MICAL3: variants seen among roughly 807,000 people sequenced by gnomAD.
MICAL3 encodes the protein [F-actin]-monooxygenase MICAL3.
Under a neutral mutation model 207.4 loss-of-function variants are expected in MICAL3, and 62 were observed. That is an observed-to-expected ratio of 0.30 (90% CI 0.24 to 0.37). MICAL3 has a LOEUF of 0.37. Among genes scored for constraint, MICAL3 ranks in the 10% least tolerant of loss-of-function variants. MICAL3 has a pLI of 1.00. For synonymous variants in MICAL3, 1,077 were observed against 1,069.3 expected (o/e 1.01, Z -0.14); for missense variants, 2,368 against 2,635.6 (o/e 0.90, Z 2.22).
chr22:17,965,010 G>A lies in MICAL3; in HGVS notation c.-74-58124C>T, dbSNP rs80140465. On this transcript the variant is annotated intron_variant, in intron 1 of 31. Coordinates refer to ENST00000441493, the MANE Select transcript of MICAL3 (RefSeq NM_015241.3). ...CGCTGAAAGGGCACAGAGCAGGTGC[G>A]GGCCTGCCCCCAGGTGTCTCCCACT... Among the ~76,000 whole-genome samples, 1,504 of 152,160 alleles carry A rather than the reference G, an allele frequency of 9.9e-3. 32 individuals carry two copies. The highest frequency in any genetic ancestry group is 0.034 in the African/African-American group (1,420 of 41,512).
At chr22:17,953,755 AC>A (rs200530478) in intron 1 of MICAL3, among the ~76,000 whole-genome samples, 2,019 of 152,044 alleles carry the variant, frequency 0.013, 42 homozygotes, top group African/African-American at 0.046. Flanking sequence ...ACAAGGTGAA[AC>A]CCCGTCTTTA....
intron 1 of MICAL3, among the ~76,000 whole-genome samples, chr22:18,000,718 G>C (rs925329875): frequency 3.3e-5 from 5 of 152,256 alleles, no homozygotes; most frequent in African/African-American, 1.2e-4. Context: ...ACTGAGACTA[G>C]AGGCGAAGGC....
At chr22:17,948,260 G>A (rs953961565) in intron 1 of MICAL3, among the ~76,000 whole-genome samples, 4 of 152,236 alleles carry the variant, frequency 2.6e-5, no homozygotes, top group African/African-American at 7.2e-5. Flanking sequence ...CGCAAGAGCT[G>A]GGGAGGATGT....
At position 17,797,328 on chromosome 22, in the gene MICAL3, C is replaced by T. The variant is rs116656260; in HGVS notation, c.5651-6027G>A. On this transcript the variant is annotated intron_variant, in intron 29 of 31. Transcript: ENST00000441493. ...CCAGCCTGGGCAATGCAGTGAGACC[C>T]CGTCTCTACAACAATTAGCTGGGTG... Among the ~76,000 whole-genome samples the T allele has an allele frequency of 9.9e-3, 1,500 of 152,180 alleles. 29 individuals are homozygous for T. The highest frequency in any genetic ancestry group is 0.034 in the African/African-American group (1,432 of 41,522).
intron 29 of MICAL3, among the ~76,000 whole-genome samples, chr22:17,795,560 AAC>A (rs1158729715): frequency 6.6e-6 from 1 of 152,246 alleles, no homozygotes; most frequent in East Asian, 1.9e-4. Flanking sequence ...CGCCCTTCCC[AAC>A]ACAGAGAACA....
In MICAL3 at chr22:17,904,752, G is replaced by C; in HGVS notation, c.352C>G (p.Arg118Gly). The C allele has an allele frequency of 6.2e-7, 1 of 1,613,750 alleles. No individual in the cohort carries two copies. Among genetic ancestry groups the C allele is most frequent in the Non-Finnish European group, 8.5e-7 (1 of 1,179,656 alleles). Residue 118 changes from arginine (R) to glycine (G), a missense_variant, in exon 3 of 32, where the codon CGA (arginine) becomes GGA (glycine). Physicochemically the swap from Arg to Gly is moderately radical, Grantham distance 125. Around this residue, in one of 4 missense-constraint regions of MICAL3, gnomAD observed 400 missense variants for 547.0 expected, o/e 0.73. Coordinates refer to ENST00000441493, the MANE Select transcript of MICAL3 (RefSeq NM_015241.3). ...LGAKVVVIEKRDAFSRNNVLH... is the reference protein window; with the variant it reads ...LGAKVVVIEKGDAFSRNNVLH... ...ACGTTGTTGCGGGAGAAGGCATCTCGTTTCTCAATAACAACCACCTTGGCC... is the reference window on the plus strand; with the variant it reads ...ACGTTGTTGCGGGAGAAGGCATCTCCTTTCTCAATAACAACCACCTTGGCC...
At chr22:17,927,156 G>C (rs547479867) in intron 1 of MICAL3, among the ~76,000 whole-genome samples, 2 of 152,160 alleles carry the variant, frequency 1.3e-5, no homozygotes, top group South Asian at 2.1e-4. Context: ...TCTATTCCAG[G>C]TACCTCATAT....
At chr22:17,939,621 C>T (rs764533111) in intron 1 of MICAL3, among the ~76,000 whole-genome samples, 4 of 152,232 alleles carry the variant, frequency 2.6e-5, no homozygotes, top group Non-Finnish European at 5.9e-5. Context: ...ACAGACCTGC[C>T]TCTCTCTGCA....
chr22:17,877,009 TGGAGGTTATGGAGGTTATGGAGGTTAG>T lies in MICAL3; in HGVS notation c.2242-5013_2242-4987del, dbSNP rs1569109660. On this transcript the variant is annotated intron_variant, in intron 16 of 31. Transcript: ENST00000441493. ...GAGGTTAGGGAGGTGAGGGAGGTTA[TGGAGGTTATGGAGGTTATGGAGGTTAG>T]GGAGGTTATGGAGGTTAGGGAGGTT... The T allele has an allele frequency of 3.8e-4, 13 of 33,968 alleles. No homozygotes were observed. In the East Asian group the frequency reaches 0.013, roughly 34 times the overall value. 2.1% of individuals were successfully genotyped at this position (33,968 alleles called of 1,614,324 possible). A position where few individuals can be genotyped will look rare whatever the true frequency, so the allele number is the denominator to read the frequency against.
At chr22:17,904,918 T>C in intron 2 of MICAL3, 79 bp from the exon 3 acceptor site, 1 of 1,094,158 alleles carries the variant, frequency 9.1e-7, no homozygotes, top group Non-Finnish European at 1.4e-6. Context: ...TGTAAGATCA[T>C]CACTCCCTAA....
chr22:17,971,116 G>A (rs1003952526), intron 1 of MICAL3, among the ~76,000 whole-genome samples: 2 of 152,122 alleles, frequency 1.3e-5, no homozygotes, highest in Non-Finnish European at 2.9e-5. Flanking sequence ...GGCGGAGGTC[G>A]CAGTGAGCTG....
At chr22:17,954,736 A>G (rs1934528048) in intron 1 of MICAL3, among the ~76,000 whole-genome samples, 1 of 150,238 alleles carries the variant, frequency 6.7e-6, no homozygotes, top group Admixed American at 6.8e-5. Context: ...AACAAACTGG[A>G]TTCAAGTCTT....
At chr22:17,987,611 T>C (rs1826408990) in intron 1 of MICAL3, among the ~76,000 whole-genome samples, 1 of 152,196 alleles carries the variant, frequency 6.6e-6, no homozygotes, top group African/African-American at 2.4e-5. Flanking sequence ...ACGTCACTAT[T>C]TACCTATGGC....
Position 17,790,721 on chromosome 22 carries a change from T to C in MICAL3, c.*11A>G. 3 of 1,582,306 alleles carry C rather than the reference T, an allele frequency of 1.9e-6. No individual in the cohort carries two copies. Among genetic ancestry groups the C allele is most frequent in the Non-Finnish European group, 2.6e-6 (3 of 1,163,330 alleles). On this transcript the variant is annotated 3_prime_UTR_variant, in exon 32 of 32. Transcript: ENST00000441493. ...CGGATGCCAACAGAAAATGGAGCGT[T>C]GGGTGGGAGCTCAGGACCAGTTAAG...
At chr22:18,002,179 C>G (rs1453041310) in intron 1 of MICAL3, among the ~76,000 whole-genome samples, 1 of 152,020 alleles carries the variant, frequency 6.6e-6, no homozygotes, top group East Asian at 1.9e-4. Flanking sequence ...GCCTGGGCAA[C>G]AGAGCGAGAC....
chr22:17,848,366 A>G (rs1924862123), intron 19 of MICAL3, among the ~76,000 whole-genome samples: 1 of 152,218 alleles, frequency 6.6e-6, no homozygotes, highest in Non-Finnish European at 1.5e-5. Flanking sequence ...ACATACTGGG[A>G]AACGGGGATG....
rs775830864 is a variant in MICAL3, at chr22:17,817,757, G to A, written c.4904C>T (p.Ala1635Val). The A allele has an allele frequency of 2.6e-5, 41 of 1,591,226 alleles. No individual in the cohort carries two copies. The highest frequency in any genetic ancestry group is 1.7e-4 in the Middle Eastern group (1 of 5,894). The change falls in exon 26 of 32, where the codon GCG becomes GTG. Residue 1635 changes from alanine (A) to valine (V), a missense_variant. Coordinates refer to ENST00000441493, the MANE Select transcript of MICAL3 (RefSeq NM_015241.3). ...CTTGCCCTGGGAGGGTGCTGAGGAC[G>A]CCTTGCGGGGCCTGGGGGCGCCTGA... ...LASGAPRPRK[A>V]SSAPSQGKER...
intron 16 of MICAL3, chr22:17,872,689 G>A (rs1602105416): frequency 2.9e-6 from 3 of 1,019,474 alleles, no homozygotes; most frequent in Non-Finnish European, 3.1e-6. Flanking sequence ...CAGCACACAG[G>A]TGTGTTTCCC....
intron 29 of MICAL3, among the ~76,000 whole-genome samples, chr22:17,806,895 C>T (rs1336833315): frequency 3.3e-5 from 5 of 152,236 alleles, no homozygotes; most frequent in Admixed American, 3.3e-4. Context: ...TATTTTCCGG[C>T]CCTTTGGCAG....
Sources: allele counts gnomAD v4.1 joint callset (sites outside exome capture counted in the v4.1 genomes callset), GRCh38; gene constraint gnomAD v4.1.1; regional missense constraint gnomAD v4.1.1; transcripts MANE v1.5; gene names NCBI Gene and HGNC (gene_info 2026-07-23, HGNC 2026-07-21).